Variants in PDE9A observed in about 807,000 individuals in gnomAD.
The protein encoded by PDE9A is high affinity cGMP-specific 3',5'-cyclic phosphodiesterase 9A.
A neutral mutation model predicts 87.4 loss-of-function variants in PDE9A; 60 were observed. That is an observed-to-expected ratio of 0.69 (90% CI 0.56 to 0.85). The LOEUF (loss-of-function observed/expected upper bound fraction) is 0.85. PDE9A is among the 40% of genes least tolerant of loss of function. PDE9A has a pLI of 0.00. For missense variants in PDE9A, 665 were observed against 779.0 expected (o/e 0.85, Z 1.74); for synonymous variants, 272 against 279.4 (o/e 0.97, Z 0.27).
At chr21:42,698,852 T>A (rs73905746) in intron 3 of PDE9A, 116 bp from the exon 4 acceptor site, 12,639 of 596,262 alleles carry the variant, frequency 0.021, 792 homozygotes, top group African/African-American at 0.18. Context: ...TAAAAATAAA[T>A]AAAAAGAACC....
intron 3 of PDE9A, among the ~76,000 whole-genome samples, chr21:42,690,515 CCT>C (rs3831879): frequency 0.11 from 16,445 of 151,938 alleles, 1,179 homozygotes; most frequent in East Asian, 0.35. Flanking sequence ...AATAGACTCT[CCT>C]CTCTCATGAC....
At chr21:42,761,501 G>T (rs1353962975) in intron 13 of PDE9A, among the ~76,000 whole-genome samples, 1 of 152,244 alleles carries the variant, frequency 6.6e-6, no homozygotes, top group African/African-American at 2.4e-5. Context: ...CCATGGGCTT[G>T]GGTCTGTGTC....
rs189976075 is a variant in PDE9A, at chr21:42,702,838, C to T, written c.262+3827C>T. Among the ~76,000 whole-genome samples, 5 of 152,322 alleles carry T rather than the reference C, an allele frequency of 3.3e-5. No homozygotes were observed. Among genetic ancestry groups the T allele is most frequent in the East Asian group, 1.9e-4 (1 of 5,190 alleles). Reference sequence around the variant, plus strand: ...ATGAAAGCGCCAGGGCCTTGAAGGTCGTTGCAAGGATGCTGGCTTTTATGC... The same window carrying T: ...ATGAAAGCGCCAGGGCCTTGAAGGTTGTTGCAAGGATGCTGGCTTTTATGC... On this transcript the variant is annotated intron_variant, in intron 4 of 19. Coordinates refer to ENST00000291539, the MANE Select transcript of PDE9A (RefSeq NM_002606.3). This position sits in a 1 kb window ranked among gnomAD's most constrained non-coding sequence, Gnocchi z 4.9.
At chr21:42,668,898 A>ACCCCCCCCCCCCCCCCC (rs375148519) in intron 1 of PDE9A, among the ~76,000 whole-genome samples, 3 of 104,836 alleles carry the variant, frequency 2.9e-5, no homozygotes, top group African/African-American at 1.4e-4. Context: ...TGCTCCCTCC[A>ACCCCCCCCCCCCCCCCC]CCCCCCGCCA....
Position 42,760,359 on chromosome 21 carries a change from C to A in PDE9A, c.929C>A (p.Pro310His). ...FCVHDNYRNN[P>H]FHNFRHCFCV... is the part of the protein sequence containing the mutation. ...GTCCACGACAACTACAGAAACAACC[C>A]CTTCCACAACTTCCGGCACTGCTTC... is the stretch of plus-strand genomic sequence containing the variant. Residue 310 changes from proline to histidine, a missense_variant, in exon 12 of 20, where the codon CCC (proline) becomes CAC (histidine). By Grantham distance (77) the Pro-to-His change is moderately conservative (BLOSUM62 -2). Coordinates refer to ENST00000291539, the MANE Select transcript of PDE9A (RefSeq NM_002606.3). The surrounding 1 kb of genome is among the most constrained non-coding windows in gnomAD (Gnocchi z 5.2). 1 of 1,610,114 alleles carries A rather than the reference C, an allele frequency of 6.2e-7. No homozygotes were observed. Among genetic ancestry groups the A allele is most frequent in the Non-Finnish European group, 8.5e-7 (1 of 1,179,134 alleles).
intron 14 of PDE9A, among the ~76,000 whole-genome samples, chr21:42,764,363 G>A (rs1263717532): frequency 6.6e-6 from 1 of 152,200 alleles, no homozygotes; most frequent in East Asian, 1.9e-4. Context: ...CAGGTGCCCT[G>A]TGTGGCTACG....
At chr21:42,689,751 T>C in intron 3 of PDE9A, 2 of 985,386 alleles carry the variant, frequency 2.0e-6, no homozygotes, top group South Asian at 4.7e-5. Flanking sequence ...AGAGCCCAAA[T>C]GTCTGGAAGC....
chr21:42,657,340 C>T (rs749039311), intron 1 of PDE9A, among the ~76,000 whole-genome samples: 16 of 152,204 alleles, frequency 1.1e-4, no homozygotes, highest in Non-Finnish European at 2.2e-4. Flanking sequence ...CCCCCAACCC[C>T]GTGTCTAGAC....
intron 16 of PDE9A, chr21:42,768,703 A>T: frequency 1.0e-6 from 1 of 985,468 alleles, no homozygotes; most frequent in Non-Finnish European, 1.2e-6. Flanking sequence ...GCTGAAAACA[A>T]CCACCAAATA....
intron 14 of PDE9A, 136 bp from the exon 15 acceptor site, chr21:42,765,245 G>C: frequency 8.6e-6 from 5 of 584,610 alleles, no homozygotes; most frequent in South Asian, 6.4e-5. Context: ...CAAATGGATG[G>C]GTGATGGATG....
intron 4 of PDE9A, among the ~76,000 whole-genome samples, chr21:42,721,148 G>A (rs538705941): frequency 6.6e-6 from 1 of 152,086 alleles, no homozygotes; most frequent in Non-Finnish European, 1.5e-5. Flanking sequence ...CCCAGATGCT[G>A]CCAGCTTCAC....
At position 42,731,860 on chromosome 21, in the gene PDE9A, G is replaced by C. The variant is rs145934566; in HGVS notation, c.353G>C (p.Arg118Pro). 9.9e-6 allele frequency: 16 copies of C among 1,614,060 alleles called. No homozygotes were observed. The African/African-American group carries it at 1.9e-4, about 19-fold the overall frequency. Residue 118 changes from arginine (R) to proline (P), a missense_variant, in exon 5 of 20, where the codon CGG (arginine) becomes CCG (proline). Transcript: ENST00000291539. ...CGGGTTGTGGGCCTGGAGCAGCCCC[G>C]GAGGGAAGGAGCATTTGAAAGTGGA... is the stretch of plus-strand genomic sequence containing the variant. ...DRRVVGLEQP[R>P]REGAFESGQV...
In PDE9A at chr21:42,750,359, T is replaced by C. The variant is rs550593205; in HGVS notation, c.654-757T>C. ...GCGGCCACCCATGTGTGTCCACACT[T>C]CAAAACATTCTGGAAAGATACACCA... On this transcript the variant is annotated intron_variant, in intron 8 of 19. Transcript: ENST00000291539. Among the ~76,000 whole-genome samples the C allele has an allele frequency of 1.5e-4, 23 of 152,316 alleles. No homozygotes were observed. The South Asian group carries it at 4.6e-3, about 30-fold the overall frequency.
intron 1 of PDE9A, among the ~76,000 whole-genome samples, chr21:42,656,865 G>C (rs8127353): frequency 6.6e-6 from 1 of 152,194 alleles, no homozygotes; most frequent in African/African-American, 2.4e-5. Context: ...CCTTGGGTCA[G>C]TTACTTCACT....
intron 19 of PDE9A, among the ~76,000 whole-genome samples, chr21:42,774,458 C>G (rs767048070): frequency 1.3e-5 from 2 of 152,202 alleles, no homozygotes; most frequent in Non-Finnish European, 2.9e-5. Flanking sequence ...CGATGAAGTG[C>G]TCAGTCAATG....
At chr21:42,754,830 G>C (rs527968671) in intron 10 of PDE9A, among the ~76,000 whole-genome samples, 1 of 152,284 alleles carries the variant, frequency 6.6e-6, no homozygotes, top group African/African-American at 2.4e-5. Context: ...CTCCATGATT[G>C]TGAGGCCTCC....
chr21:42,770,012 T>A (rs528180981), intron 17 of PDE9A, among the ~76,000 whole-genome samples: 3 of 152,246 alleles, frequency 2.0e-5, no homozygotes, highest in South Asian at 4.1e-4. Context: ...GCACTGGCTG[T>A]GGACTCTCCT....
intron 2 of PDE9A, among the ~76,000 whole-genome samples, chr21:42,687,119 A>C (rs1251825432): frequency 1.3e-5 from 2 of 152,206 alleles, no homozygotes; most frequent in East Asian, 3.8e-4. Flanking sequence ...TCCAAATGTA[A>C]AGGGTGAGCA....
In PDE9A at chr21:42,689,685, C is replaced by A. The variant is rs888499605; in HGVS notation, c.218+1691C>A. Reference sequence around the variant, plus strand: ...CCTTCTAATTCTCTGGCCCCAGGTGCCTTATTAACAAGAGACAGTATCAGA... The same window carrying A: ...CCTTCTAATTCTCTGGCCCCAGGTGACTTATTAACAAGAGACAGTATCAGA... On this transcript the variant is annotated intron_variant, in intron 3 of 19. Transcript: ENST00000291539. 2.6e-5 allele frequency: 26 copies of A among 985,302 alleles called. No homozygotes were observed. In the African/African-American group the frequency reaches 3.3e-4, roughly 13 times the overall value. The allele number at this position is 985,302 out of a possible 1,614,324, so 61.0% of individuals were successfully genotyped here.
Sources: allele counts gnomAD v4.1 joint callset (sites outside exome capture counted in the v4.1 genomes callset), GRCh38; gene constraint gnomAD v4.1.1; non-coding constraint Gnocchi (gnomAD v3.1); transcripts MANE v1.5; gene names NCBI Gene and HGNC (gene_info 2026-07-23, HGNC 2026-07-21).